Variants in MAPK13 observed in about 807,000 individuals in gnomAD.
MAPK13 encodes MAP kinase 13.
Under a neutral mutation model 53.5 loss-of-function variants are expected in MAPK13, and 39 were observed. The ratio of observed to expected loss-of-function variants is 0.73; its 90% CI spans 0.56 to 0.95. The LOEUF (loss-of-function observed/expected upper bound fraction) is 0.95. Among genes scored for constraint, MAPK13 ranks in the 40% least tolerant of loss-of-function variants. The probability of loss-of-function intolerance (pLI) is 0.00; values close to 1 mark genes in which losing one functional copy is unlikely to be tolerated. For synonymous variants in MAPK13, 179 were observed against 190.9 expected (o/e 0.94, Z 0.51); for missense variants, 460 against 471.8 (o/e 0.98, Z 0.23).
At chr6:36,134,695 G>A (rs1766381068) in intron 3 of MAPK13, among the ~76,000 whole-genome samples, 1 of 151,632 alleles carries the variant, frequency 6.6e-6, no homozygotes. Context: ...ACCACACCTG[G>A]CTAATTTTTT....
rs1248483437 is a variant in MAPK13, at chr6:36,139,921, T to G, written c.*548T>G. The G allele has an allele frequency of 6.5e-6, 1 of 154,362 alleles. No individual in the cohort carries two copies. The highest frequency in any genetic ancestry group is 1.4e-5 in the Non-Finnish European group (1 of 69,462). The allele number at this position is 154,362 out of a possible 1,614,324, so 9.6% of individuals were successfully genotyped here. ...GCTGCATCACTCCAGTCTCTGTCTC[T>G]TCTGTTCTCTCCTCTTTTAACAACA... On this transcript the variant is annotated 3_prime_UTR_variant, in exon 12 of 12. Coordinates refer to ENST00000211287, the MANE Select transcript of MAPK13 (RefSeq NM_002754.5).
At chr6:36,139,231 G>A (rs1766484918) in intron 11 of MAPK13, 63 bp from the exon 12 acceptor site, 1 of 1,510,208 alleles carries the variant, frequency 6.6e-7, no homozygotes, top group Non-Finnish European at 9.2e-7. Context: ...TGTCTCTGAA[G>A]GGGGGTGGAC....
chr6:36,131,829 T>C (rs903343114), intron 2 of MAPK13, among the ~76,000 whole-genome samples: 4 of 152,200 alleles, frequency 2.6e-5, no homozygotes, highest in Non-Finnish European at 4.4e-5. Context: ...CCTCATGATA[T>C]ATGAGTACTA....
intron 5 of MAPK13, 49 bp downstream of exon 5, chr6:36,136,097 G>A (rs750786754): frequency 5.5e-5 from 88 of 1,605,834 alleles, no homozygotes; most frequent in Non-Finnish European, 7.2e-5. Context: ...TCCCATCCCT[G>A]GGTATGGGGT....
chr6:36,132,178 C>A (rs1766335365), intron 2 of MAPK13, among the ~76,000 whole-genome samples: 1 of 152,266 alleles, frequency 6.6e-6, no homozygotes. Context: ...TGAACCAGCC[C>A]TGTGGCAGGC....
Position 36,141,591 on chromosome 6 carries a change from G to C in MAPK13, c.*2218G>C, listed in dbSNP as rs1766533141. ...TCGGGAGGCTGAGGCAGAATTGCTT[G>C]AACCTGGGAGGTGGAGGTTGCAGTG... On this transcript the variant is annotated 3_prime_UTR_variant, in exon 12 of 12. Transcript: ENST00000211287. 6.6e-6 allele frequency: 1 copy of C among 152,280 alleles called. No homozygotes were observed. Among genetic ancestry groups the C allele is most frequent in the Non-Finnish European group, 1.5e-5 (1 of 68,144 alleles). 9.4% of individuals were successfully genotyped at this position (152,280 alleles called of 1,614,324 possible).
intron 8 of MAPK13, among the ~76,000 whole-genome samples, chr6:36,137,889 G>T (rs12527583): frequency 0.018 from 2,592 of 147,388 alleles, 239 homozygotes; most frequent in Admixed American, 0.15. Context: ...AACCCAGGAG[G>T]TGGAGGTTGC....
intron 11 of MAPK13, 87 bp downstream of exon 11, chr6:36,139,142 CCCTA>C (rs1052325301): frequency 2.8e-6 from 4 of 1,445,848 alleles, no homozygotes; most frequent in East Asian, 2.3e-5. Flanking sequence ...CCTCTGCCAG[CCCTA>C]CCTGCCACCT....
chr6:36,132,728 C>T (rs753113359), intron 3 of MAPK13, 49 bp downstream of exon 3: 36 of 1,596,774 alleles, frequency 2.3e-5, no homozygotes, highest in Non-Finnish European at 2.5e-5. Context: ...CCTTACATGC[C>T]GCTGGGGAGC....
At chr6:36,131,428 G>T (rs1436049847) in intron 2 of MAPK13, 28 bp downstream of exon 2, 1 of 1,601,264 alleles carries the variant, frequency 6.2e-7, no homozygotes, top group Admixed American at 1.7e-5. Context: ...CGGGGAGGGG[G>T]TGGGGGCTGC....
At chr6:36,132,500 C>T in intron 2 of MAPK13, 121 bp from the exon 3 acceptor site, 1 of 828,236 alleles carries the variant, frequency 1.2e-6, no homozygotes, top group South Asian at 1.4e-5. Flanking sequence ...TGGAGACATG[C>T]CTCCTGCTGG....
At chr6:36,134,667 A>C (rs531075366) in intron 3 of MAPK13, among the ~76,000 whole-genome samples, 1 of 150,114 alleles carries the variant, frequency 6.7e-6, no homozygotes, top group African/African-American at 2.4e-5. Flanking sequence ...TGAGTAGCTA[A>C]GACTAAAGGT....
chr6:36,131,887 G>C (rs1202524504), intron 2 of MAPK13, among the ~76,000 whole-genome samples: 2 of 152,246 alleles, frequency 1.3e-5, no homozygotes, highest in African/African-American at 4.8e-5. Flanking sequence ...AAGGCTCACA[G>C]ATTAGATGGT....
intron 6 of MAPK13, 22 bp from the exon 7 acceptor site, chr6:36,136,634 C>G (rs1299563999): frequency 3.1e-6 from 5 of 1,612,490 alleles, no homozygotes; most frequent in Non-Finnish European, 4.2e-6. Flanking sequence ...AGTTCCTTTT[C>G]TATTTATCCC....
intron 3 of MAPK13, among the ~76,000 whole-genome samples, chr6:36,134,341 C>CA (rs1340612433): frequency 5.9e-5 from 9 of 152,130 alleles, no homozygotes; most frequent in Middle Eastern, 3.4e-3. Context: ...ACAACAACAA[C>CA]AAAAAACACA....
In MAPK13 at chr6:36,139,056, G is replaced by GTT; in HGVS notation, c.1018+2_1018+3insTT. On this transcript the variant is annotated splice_donor_variant, in intron 11 of 11. Transcript: ENST00000211287. LOFTEE classifies it high-confidence loss of function. ...AAACTCACAGTGGATGAATGGAAGC[G>GTT]TAAGAGCTGGGGCCTCGGGCTTCCT... 1 of 1,588,342 alleles carries GTT rather than the reference G, an allele frequency of 6.3e-7. No individual in the cohort carries two copies. Among genetic ancestry groups the GTT allele is most frequent in the South Asian group, 1.1e-5 (1 of 87,496 alleles).
In MAPK13 at chr6:36,130,529, G is replaced by A; in HGVS notation, c.-54G>A. The stretch of plus-strand genomic sequence containing the variant: ...GCGGGGGTCGGGGCGCTGGGAGCCC[G>A]TTGGGCCGCGAACGCAGCCGCCACG... On this transcript the variant is annotated 5_prime_UTR_variant, in exon 1 of 12. Transcript: ENST00000211287. This position sits in a 1 kb window ranked among gnomAD's most constrained non-coding sequence, Gnocchi z 4.5. 9 of 927,006 alleles carry A rather than the reference G, an allele frequency of 9.7e-6. No homozygotes were observed. Among genetic ancestry groups the A allele is most frequent in the Non-Finnish European group, 9.6e-6 (6 of 623,644 alleles). The allele number at this position is 927,006 out of a possible 1,614,324, so 57.4% of individuals were successfully genotyped here.
At chr6:36,137,026 T>C (rs2815812) in intron 8 of MAPK13, 76 bp downstream of exon 8, 399,965 of 1,293,436 alleles carry the variant, frequency 0.31, 69,275 homozygotes, top group East Asian at 0.68. Flanking sequence ...AATAACTGTC[T>C]TTTTTTTCTT....
Position 36,139,474 on chromosome 6 carries a change from G to A in MAPK13, c.*101G>A, listed in dbSNP as rs990416839. ...CTTGGAATACAGCCTTTCAAGCAGAGGACAGAAGGGTCCTTCTCCTTATGT... is the reference window on the plus strand; with the variant it reads ...CTTGGAATACAGCCTTTCAAGCAGAAGACAGAAGGGTCCTTCTCCTTATGT... On this transcript the variant is annotated 3_prime_UTR_variant, in exon 12 of 12. Coordinates refer to ENST00000211287, the MANE Select transcript of MAPK13 (RefSeq NM_002754.5). 4 of 910,100 alleles carry A rather than the reference G, an allele frequency of 4.4e-6. No individual in the cohort carries two copies. Among genetic ancestry groups the A allele is most frequent in the Non-Finnish European group, 5.4e-6 (3 of 560,126 alleles). The allele number at this position is 910,100 out of a possible 1,614,324, so 56.4% of individuals were successfully genotyped here.
Sources: allele counts gnomAD v4.1 joint callset (sites outside exome capture counted in the v4.1 genomes callset), GRCh38; gene constraint gnomAD v4.1.1; non-coding constraint Gnocchi (gnomAD v3.1); transcripts MANE v1.5; gene names NCBI Gene and HGNC (gene_info 2026-07-23, HGNC 2026-07-21).